Variants in PTBP3 observed in about 807,000 individuals in gnomAD.
PTBP3 encodes the protein polypyrimidine tract-binding protein 3.
PTBP3 carries 20 observed loss-of-function variants against 58.7 expected under a neutral mutation model. The ratio of observed to expected loss-of-function variants is 0.34; its 90% CI spans 0.24 to 0.50. PTBP3 has a LOEUF of 0.50. Among genes scored for constraint, PTBP3 ranks in the 20% least tolerant of loss-of-function variants. The probability of loss-of-function intolerance (pLI) is 0.98; values close to 1 mark genes in which losing one functional copy is unlikely to be tolerated. For synonymous variants in PTBP3, 185 were observed against 219.8 expected, an observed-to-expected ratio of 0.84 and a Z score of 1.40; for missense variants, 509 against 637.2, an observed-to-expected ratio of 0.80 and a Z score of 2.17.
At chr9:112,344,178 C>A in the PTBP3 span, among the ~76,000 whole-genome samples, 1 of 151,796 alleles carries the variant, frequency 6.6e-6, no homozygotes, top group Non-Finnish European at 1.5e-5. Context: ...AGTATTATAC[C>A]TTAGTTCTTG....
chr9:112,343,484 G>A, the PTBP3 span, among the ~76,000 whole-genome samples: 3 of 152,148 alleles, frequency 2.0e-5, no homozygotes, highest in Admixed American at 2.0e-4. Context: ...TTGTCAAGCA[G>A]TCAGTTTAAA....
chr9:112,270,609 C>T (rs1827339254), intron 3 of PTBP3, among the ~76,000 whole-genome samples: 1 of 152,142 alleles, frequency 6.6e-6, no homozygotes, highest in Non-Finnish European at 1.5e-5. Context: ...TAATGGGAAA[C>T]CATGCGTGTA....
intron 1 of PTBP3, among the ~76,000 whole-genome samples, chr9:112,301,864 C>A (rs924025147): frequency 6.6e-6 from 1 of 152,108 alleles, no homozygotes; most frequent in Non-Finnish European, 1.5e-5. Context: ...ACTTGCCATG[C>A]ATCTCTAATT....
intron 5 of PTBP3, 79 bp from the exon 6 acceptor site, chr9:112,252,867 TA>T (rs1435784655): frequency 1.2e-6 from 1 of 822,410 alleles, no homozygotes; most frequent in Admixed American, 3.0e-5. Flanking sequence ...AACTTGTTCA[TA>T]AATCCTTTTA....
At chr9:112,262,375 T>C in intron 5 of PTBP3, 60 bp downstream of exon 5, 2 of 1,379,294 alleles carry the variant, frequency 1.5e-6, no homozygotes, top group Non-Finnish European at 2.0e-6. Context: ...ATATAAAACA[T>C]CAAAAGTTTC....
the PTBP3 span, among the ~76,000 whole-genome samples, chr9:112,379,746 C>A: frequency 6.6e-6 from 1 of 152,264 alleles, no homozygotes; most frequent in Non-Finnish European, 1.5e-5. Context: ...CTCAGTCACC[C>A]TCCCAGCTCG....
At chr9:112,284,679 G>A (rs1317740364) in intron 2 of PTBP3, among the ~76,000 whole-genome samples, 1 of 152,136 alleles carries the variant, frequency 6.6e-6, no homozygotes, top group African/African-American at 2.4e-5. Context: ...CTGGGCAACA[G>A]AGCAAGAATC....
the PTBP3 span, among the ~76,000 whole-genome samples, chr9:112,372,793 TTG>T: frequency 6.6e-6 from 1 of 152,214 alleles, no homozygotes; most frequent in Non-Finnish European, 1.5e-5. Context: ...ATATACCATA[TTG>T]TGTTTATCCA....
chr9:112,373,958 T>A, the PTBP3 span, among the ~76,000 whole-genome samples: 1 of 152,198 alleles, frequency 6.6e-6, no homozygotes. Flanking sequence ...TTTGCCTTCA[T>A]CAAGCAGCTC....
At chr9:112,244,574 G>A (rs1039969591) in intron 7 of PTBP3, among the ~76,000 whole-genome samples, 2 of 151,934 alleles carry the variant, frequency 1.3e-5, no homozygotes, top group South Asian at 4.2e-4. Flanking sequence ...GGCTACTCAG[G>A]AGGCTGAGGT....
At chr9:112,295,263 A>T (rs1225632519) in intron 2 of PTBP3, among the ~76,000 whole-genome samples, 4 of 150,622 alleles carry the variant, frequency 2.7e-5, no homozygotes, top group Non-Finnish European at 5.9e-5. Flanking sequence ...AAAAAAAAAG[A>T]AGTTAATCTC....
chr9:112,286,205 A>C (rs946086764), intron 2 of PTBP3, among the ~76,000 whole-genome samples: 1 of 152,180 alleles, frequency 6.6e-6, no homozygotes, highest in Non-Finnish European at 1.5e-5. Context: ...TTCATATTTA[A>C]AATGGGTTTC....
intron 1 of PTBP3, among the ~76,000 whole-genome samples, chr9:112,327,148 G>A (rs1830190206): frequency 6.6e-6 from 1 of 151,760 alleles, no homozygotes; most frequent in Non-Finnish European, 1.5e-5. Flanking sequence ...AGAATGCAGT[G>A]AGCCATGATT....
At chr9:112,336,482 T>TA (rs879792044), upstream of PTBP3, among the ~76,000 whole-genome samples, 48 of 142,814 alleles carry the variant, frequency 3.4e-4, no homozygotes, top group East Asian at 8.1e-4. Flanking sequence ...TTTCTTTATT[T>TA]AAAAAAAAAA....
At chr9:112,311,118 G>A (rs1829455293) in intron 1 of PTBP3, among the ~76,000 whole-genome samples, 1 of 152,110 alleles carries the variant, frequency 6.6e-6, no homozygotes, top group African/African-American at 2.4e-5. Flanking sequence ...AAGACAAAGA[G>A]GGAAGGACTC....
intron 2 of PTBP3, among the ~76,000 whole-genome samples, chr9:112,276,865 T>C (rs1823250250): frequency 6.6e-6 from 1 of 152,214 alleles, no homozygotes; most frequent in South Asian, 2.1e-4. Flanking sequence ...CAGAAAAGTT[T>C]TTCTTCCAGA....
chr9:112,263,102 T>C (rs916884055), intron 4 of PTBP3, among the ~76,000 whole-genome samples: 3 of 152,020 alleles, frequency 2.0e-5, no homozygotes, highest in African/African-American at 7.3e-5. Flanking sequence ...GGAGCGTTGA[T>C]CAGAATGCAA....
chr9:112,262,157 T>C (rs867594401), intron 5 of PTBP3, among the ~76,000 whole-genome samples: 3 of 152,286 alleles, frequency 2.0e-5, no homozygotes, highest in Middle Eastern at 6.8e-3. Flanking sequence ...AACTACTACC[T>C]GGACTTTTCA....
the PTBP3 span, among the ~76,000 whole-genome samples, chr9:112,352,295 G>A: frequency 2.6e-5 from 4 of 152,056 alleles, no homozygotes; most frequent in African/African-American, 9.7e-5. Flanking sequence ...CTGGAATTAA[G>A]GTTTTACAGT....
Sources: allele counts gnomAD v4.1 joint callset (sites outside exome capture counted in the v4.1 genomes callset), GRCh38; gene constraint gnomAD v4.1.1; transcripts MANE v1.5; gene names NCBI Gene and HGNC (gene_info 2026-07-23, HGNC 2026-07-21).